The following C1GALT1 variants were observed in gnomAD, a reference collection of about 807,000 sequenced individuals.
C1GALT1 encodes the protein core 1 synthase, glycoprotein-N-acetylgalactosamine 3-beta-galactosyltransferase 1.
A neutral mutation model predicts 31.0 loss-of-function variants in C1GALT1; 11 were observed. The ratio of observed to expected loss-of-function variants is 0.36; its 90% CI spans 0.22 to 0.59. The LOEUF (loss-of-function observed/expected upper bound fraction) is 0.59, where lower values mean the gene tolerates loss of function less well. Ranked by LOEUF, C1GALT1 falls within the 20% of genes least tolerant of loss-of-function variation. C1GALT1 has a pLI of 0.79. For missense variants in C1GALT1, 424 were observed against 425.2 expected (o/e 1.00, Z 0.03); for synonymous variants, 175 against 143.6 (o/e 1.22, Z -1.56).
chr7:7,210,513 CAGAG>C (rs950017149), intron 1 of C1GALT1: 4 of 144,600 alleles, frequency 2.8e-5, no homozygotes, highest in Non-Finnish European at 4.4e-5. Context: ...CGTACAGAGA[CAGAG>C]GGAGGGAGGC....
At chr7:7,241,806 CTTG>C (rs1783640903) in intron 3 of C1GALT1, among the ~76,000 whole-genome samples, 1 of 151,984 alleles carries the variant, frequency 6.6e-6, no homozygotes, top group South Asian at 2.1e-4. Context: ...TCTGCTAGCT[CTTG>C]TTTTCTAATA....
chr7:7,166,101 C>G lies in C1GALT1; in HGVS notation c.-18+8675C>G, dbSNP rs577531503. ...TTCACGTTCTCTCATTTACTGATAA[C>G]AACCATGTGAAAAAAACGTATATTA... On this transcript the variant is annotated intron_variant, in intron 2 of 3. Transcript: ENST00000429911. 2.6e-5 allele frequency among the ~76,000 whole-genome samples: 4 copies of G among 152,202 alleles called. No individual in the cohort carries two copies. In the East Asian group the frequency reaches 7.7e-4, roughly 29 times the overall value.
intron 1 of C1GALT1, among the ~76,000 whole-genome samples, chr7:7,207,589 CTTTG>C (rs1232108247): frequency 6.6e-6 from 1 of 151,626 alleles, no homozygotes; most frequent in Non-Finnish European, 1.5e-5. Flanking sequence ...GTTTTATAGT[CTTTG>C]TTTAACAGAT....
chr7:7,200,018 T>C (rs964231977), intron 1 of C1GALT1, among the ~76,000 whole-genome samples: 104 of 152,368 alleles, frequency 6.8e-4, no homozygotes, highest in African/African-American at 2.4e-3. Flanking sequence ...TGTCTTTTAA[T>C]TGGAGCATTT....
chr7:7,217,493 C>T (rs1050889102), intron 1 of C1GALT1, among the ~76,000 whole-genome samples: 7 of 152,240 alleles, frequency 4.6e-5, no homozygotes, highest in African/African-American at 1.7e-4. Flanking sequence ...CCACCTGCAC[C>T]TGGCAGTGGT....
intron 1 of C1GALT1, among the ~76,000 whole-genome samples, chr7:7,197,680 A>G (rs991085594): frequency 6.6e-6 from 1 of 152,008 alleles, no homozygotes; most frequent in African/African-American, 2.4e-5. Flanking sequence ...ATGAGCATGG[A>G]ATGTTCTTCC....
intron 1 of C1GALT1, among the ~76,000 whole-genome samples, chr7:7,218,278 G>A (rs922118327): frequency 6.6e-6 from 1 of 152,160 alleles, no homozygotes; most frequent in Non-Finnish European, 1.5e-5. Context: ...TAGGGATGGG[G>A]AATGTCAGAA....
intron 2 of C1GALT1, among the ~76,000 whole-genome samples, chr7:7,170,959 A>G (rs1388973872): frequency 6.6e-6 from 1 of 152,130 alleles, no homozygotes; most frequent in Admixed American, 6.5e-5. Context: ...GCTTCATTCT[A>G]CTTGGTCAGA....
At chr7:7,184,752 G>A (rs1227713648) in intron 1 of C1GALT1, among the ~76,000 whole-genome samples, 1 of 152,152 alleles carries the variant, frequency 6.6e-6, no homozygotes. Flanking sequence ...AATTCAGATA[G>A]GCTTAAAAGT....
chr7:7,217,860 C>G (rs1211193278), intron 1 of C1GALT1, among the ~76,000 whole-genome samples: 1 of 152,062 alleles, frequency 6.6e-6, no homozygotes, highest in Non-Finnish European at 1.5e-5. Flanking sequence ...TTTGGTAAAT[C>G]AGGCAGCATA....
intron 1 of C1GALT1, among the ~76,000 whole-genome samples, chr7:7,185,721 C>T (rs1419056500): frequency 6.6e-6 from 1 of 152,206 alleles, no homozygotes; most frequent in African/African-American, 2.4e-5. Context: ...TTGATTACAT[C>T]TGCAAAGACC....
At chr7:7,213,183 C>G (rs193266977) in intron 1 of C1GALT1, among the ~76,000 whole-genome samples, 41 of 152,254 alleles carry the variant, frequency 2.7e-4, no homozygotes, top group Non-Finnish European at 5.9e-4. Flanking sequence ...ATCTTCAAAG[C>G]TATTAAAAAC....
At chr7:7,182,350 A>C (rs527694559), upstream of C1GALT1, among the ~76,000 whole-genome samples, 1 of 152,326 alleles carries the variant, frequency 6.6e-6, no homozygotes, top group Non-Finnish European at 1.5e-5. Flanking sequence ...GGAGAGTAGC[A>C]GACACAAGCC....
chr7:7,213,406 A>G (rs1486770903), intron 1 of C1GALT1, among the ~76,000 whole-genome samples: 2 of 152,168 alleles, frequency 1.3e-5, no homozygotes, highest in African/African-American at 2.4e-5. Flanking sequence ...ATCCCATACA[A>G]TTTTGGAACG....
In C1GALT1 at chr7:7,193,031, G is replaced by T. The variant is rs189893935; in HGVS notation, c.-18+10211G>T. The stretch of plus-strand genomic sequence containing the variant: ...GTTTTTTTTCTTGCTGATTTGTTTG[G>T]TTTTTTTGTAGATTCTGGATATTAG... On this transcript the variant is annotated intron_variant, in intron 1 of 3. Transcript: ENST00000436587. Among the ~76,000 whole-genome samples the T allele has an allele frequency of 4.2e-3, 631 of 151,656 alleles. 6 individuals carry two copies. Among genetic ancestry groups the T allele is most frequent in the African/African-American group, 0.014 (560 of 41,390 alleles).
chr7:7,234,559 G>C lies in C1GALT1; in HGVS notation c.220+20G>C. 2 of 1,552,936 alleles carry C rather than the reference G, an allele frequency of 1.3e-6. No individual in the cohort carries two copies. ...ATAAAGGTATGGTTTACTTTATTAA[G>C]CAGTAAACATAAGCAGTATTTTAGT... On this transcript the variant is annotated intron_variant, in intron 2 of 3. Coordinates refer to ENST00000436587, the MANE Select transcript of C1GALT1 (RefSeq NM_020156.5).
At chr7:7,184,656 T>C (rs1780734641) in intron 1 of C1GALT1, among the ~76,000 whole-genome samples, 1 of 152,252 alleles carries the variant, frequency 6.6e-6, no homozygotes, top group Non-Finnish European at 1.5e-5. Context: ...AGTCTTTGTG[T>C]GGTAAAATCA....
chr7:7,183,884 T>A (rs1780701066), intron 1 of C1GALT1, among the ~76,000 whole-genome samples: 1 of 152,220 alleles, frequency 6.6e-6, no homozygotes, highest in Non-Finnish European at 1.5e-5. Flanking sequence ...TTTAGAACCA[T>A]AATGAATCAA....
chr7:7,193,449 A>G (rs1781158329), intron 1 of C1GALT1, among the ~76,000 whole-genome samples: 1 of 152,136 alleles, frequency 6.6e-6, no homozygotes, highest in Non-Finnish European at 1.5e-5. Flanking sequence ...TGCTTTGTCA[A>G]AGATCAGTTG....
Sources: gnomAD v4.1 joint callset for allele counts (sites outside exome capture counted in the v4.1 genomes callset) on GRCh38, gnomAD v4.1.1 for gene constraint, MANE v1.5 for transcripts, NCBI Gene and HGNC (gene_info 2026-07-23, HGNC 2026-07-21) for gene names.